The following NFIB variants were observed in gnomAD, a reference collection of about 807,000 sequenced individuals.
NFIB encodes the protein nuclear factor I B.
NFIB carries 11 observed loss-of-function variants against 61.5 expected under a neutral mutation model. That is an observed-to-expected ratio of 0.18 (90% confidence interval 0.11 to 0.30). The LOEUF (loss-of-function observed/expected upper bound fraction) is 0.30, where lower values mean the gene tolerates loss of function less well. Among genes scored for constraint, NFIB ranks in the 10% least tolerant of loss-of-function variants. NFIB has a pLI of 1.00. For synonymous variants in NFIB, 260 were observed against 216.5 expected, an observed-to-expected ratio of 1.20 and a Z score of -1.76; for missense variants, 471 against 608.9, an observed-to-expected ratio of 0.77 and a Z score of 2.38.
rs753667540 is a variant in NFIB at position 14,085,335 on chromosome 9, A to G, written c.*2974T>C. On this transcript the variant is annotated 3_prime_UTR_variant, in exon 11 of 11. Transcript: ENST00000380953. ...TAAGACAGCCTACCATGTGTCACCA[A>G]TTCTGAAAGATTTTCCTTCTAGTAA... 1.3e-5 allele frequency: 3 copies of G among 225,368 alleles called. No individual in the cohort carries two copies. Among genetic ancestry groups the G allele is most frequent in the Non-Finnish European group, 2.7e-5 (3 of 113,204 alleles). 14.0% of individuals were successfully genotyped at this position (225,368 alleles called of 1,614,324 possible).
intron 2 of NFIB, among the ~76,000 whole-genome samples, chr9:14,299,962 C>G (rs1474540435): frequency 6.6e-6 from 1 of 152,092 alleles, no homozygotes; most frequent in East Asian, 1.9e-4. Context: ...ACCAAAAAGC[C>G]CAACCATTCA....
intron 2 of NFIB, among the ~76,000 whole-genome samples, chr9:14,226,938 G>C (rs10120632): frequency 0.017 from 2,596 of 151,932 alleles, 29 homozygotes; most frequent in South Asian, 0.044. Flanking sequence ...TCAGGAGTTC[G>C]TGACCAGCCT....
At chr9:14,383,625 G>A (rs2061514058) in intron 1 of NFIB, among the ~76,000 whole-genome samples, 1 of 152,176 alleles carries the variant, frequency 6.6e-6, no homozygotes, top group East Asian at 1.9e-4. Context: ...TAAGAACATA[G>A]TTGATAACAG....
exon 1 of NFIB, chr9:14,398,666 C>A: frequency 1.4e-6 from 2 of 1,429,908 alleles, no homozygotes; most frequent in South Asian, 2.5e-5. Flanking sequence ...AGCCTGTAGG[C>A]TCTGCTTCTG....
At chr9:14,262,544 G>A (rs565211819) in intron 2 of NFIB, among the ~76,000 whole-genome samples, 19 of 152,310 alleles carry the variant, frequency 1.2e-4, no homozygotes, top group Admixed American at 8.5e-4. Flanking sequence ...AAGAAGGAGC[G>A]CAATGGGATT....
intron 2 of NFIB, among the ~76,000 whole-genome samples, chr9:14,186,599 G>A (rs797017093): frequency 2.0e-5 from 3 of 151,722 alleles, no homozygotes; most frequent in Non-Finnish European, 4.4e-5. Context: ...AAGGGTAATG[G>A]AGAGCAAACT....
upstream of NFIB, among the ~76,000 whole-genome samples, chr9:14,399,905 T>A (rs2133051694): frequency 6.6e-6 from 1 of 152,260 alleles, no homozygotes; most frequent in East Asian, 1.9e-4. Context: ...AATGCACTCT[T>A]GTCCCTGGCC....
chr9:14,168,571 G>C (rs2045198235), intron 3 of NFIB, among the ~76,000 whole-genome samples: 1 of 152,192 alleles, frequency 6.6e-6, no homozygotes, highest in South Asian at 2.1e-4. Flanking sequence ...TAACGAGCTA[G>C]GCTTAGGCTA....
chr9:14,294,803 A>AC (rs2059320485), intron 2 of NFIB, among the ~76,000 whole-genome samples: 1 of 152,142 alleles, frequency 6.6e-6, no homozygotes, highest in Non-Finnish European at 1.5e-5. Context: ...ATGCCTTTTT[A>AC]CCCTACGTCA....
intron 2 of NFIB, among the ~76,000 whole-genome samples, chr9:14,271,918 T>C (rs1169004592): frequency 6.6e-6 from 1 of 152,144 alleles, no homozygotes; most frequent in East Asian, 1.9e-4. Flanking sequence ...CAAAAGAATA[T>C]TTTAAGGGTG....
At chr9:14,098,512 C>G (rs958860782) in intron 10 of NFIB, among the ~76,000 whole-genome samples, 1 of 152,196 alleles carries the variant, frequency 6.6e-6, no homozygotes, top group African/African-American at 2.4e-5. Flanking sequence ...CTGACTATCA[C>G]TTTAAGAAAG....
intron 2 of NFIB, among the ~76,000 whole-genome samples, chr9:14,278,481 C>A (rs1385570341): frequency 1.3e-5 from 2 of 152,150 alleles, no homozygotes; most frequent in Non-Finnish European, 2.9e-5. Context: ...ATGTGGAAAT[C>A]AAAAGCAACA....
At chr9:14,146,561 C>T (rs1324850250) in intron 6 of NFIB, 128 bp downstream of exon 6, 10 of 1,295,676 alleles carry the variant, frequency 7.7e-6, no homozygotes, top group Admixed American at 2.2e-5. Flanking sequence ...AATAATTCTA[C>T]AGGAATCATT....
chr9:14,236,460 C>T (rs902437934), intron 2 of NFIB, among the ~76,000 whole-genome samples: 11 of 152,208 alleles, frequency 7.2e-5, no homozygotes, highest in African/African-American at 1.9e-4. Context: ...CTAGAGTCCA[C>T]GGGTGTGAGT....
intron 1 of NFIB, chr9:14,398,433 A>G (rs1200987263): frequency 4.3e-6 from 4 of 939,934 alleles, no homozygotes. Context: ...GAGCAGCCAT[A>G]TTTTCTGAAC....
the NFIB span, among the ~76,000 whole-genome samples, chr9:14,453,949 G>A: frequency 0.043 from 6,540 of 151,878 alleles, 161 homozygotes; most frequent in Non-Finnish European, 0.054. Context: ...GGCACGGTGG[G>A]CACCTGTAGT....
At position 14,204,593 on chromosome 9, in the gene NFIB, G is replaced by GC; in HGVS notation, c.563-24814dup. ...GCAAGAGAAGAAGCAGAGGCTGTTG[G>GC]CCCGGGCGGAGAAGAAAGCGCCGGC... On this transcript the variant is annotated intron_variant, in intron 2 of 10. Coordinates refer to ENST00000380953, the MANE Select transcript of NFIB (RefSeq NM_001190737.2). 3.6e-6 allele frequency: 4 copies of GC among 1,104,156 alleles called. No homozygotes were observed. In the South Asian group the frequency reaches 3.9e-5, roughly 11 times the overall value. The allele number at this position is 1,104,156 out of a possible 1,614,324, so 68.4% of individuals were successfully genotyped here. A position where few individuals can be genotyped will look rare whatever the true frequency, so the allele number is the denominator to read the frequency against.
upstream of NFIB, among the ~76,000 whole-genome samples, chr9:14,318,736 A>C (rs1227271040): frequency 2.0e-5 from 3 of 152,162 alleles, no homozygotes; most frequent in Non-Finnish European, 4.4e-5. Flanking sequence ...ATACATGTGT[A>C]GTCTGGAAAA....
At chr9:14,106,085 T>C (rs2036513195) in intron 10 of NFIB, among the ~76,000 whole-genome samples, 1 of 152,130 alleles carries the variant, frequency 6.6e-6, no homozygotes, top group Non-Finnish European at 1.5e-5. Context: ...TAAGAATTTT[T>C]CCAAGTATTT....
Sources: gnomAD v4.1 joint callset for allele counts (sites outside exome capture counted in the v4.1 genomes callset) on GRCh38, gnomAD v4.1.1 for gene constraint, MANE v1.5 for transcripts, NCBI Gene and HGNC (gene_info 2026-07-23, HGNC 2026-07-21) for gene names.